COL10A1: variants seen among roughly 807,000 people sequenced by gnomAD.
The protein encoded by COL10A1 is collagen type X alpha 1 chain.
A neutral mutation model predicts 18.2 loss-of-function variants in COL10A1; 10 were observed. That is an observed-to-expected ratio of 0.55 (90% CI 0.34 to 0.93). The LOEUF is 0.93. Among genes scored for constraint, COL10A1 ranks in the 40% least tolerant of loss-of-function variants. The pLI, the probability that COL10A1 is intolerant of heterozygous loss-of-function variation, is 0.02. For missense variants in COL10A1, 897 were observed against 853.5 expected, an observed-to-expected ratio of 1.05 and a Z score of -0.64; for synonymous variants, 330 against 316.6, an observed-to-expected ratio of 1.04 and a Z score of -0.45.
At chr6:116,195,303 A>G in the COL10A1 span, among the ~76,000 whole-genome samples, 1 of 152,114 alleles carries the variant, frequency 6.6e-6, no homozygotes, top group African/African-American at 2.4e-5. Context: ...TATTAAAATT[A>G]TACAGAGGAG....
At chr6:116,191,358 A>G in the COL10A1 span, among the ~76,000 whole-genome samples, 1 of 151,960 alleles carries the variant, frequency 6.6e-6, no homozygotes, top group Non-Finnish European at 1.5e-5. Flanking sequence ...AAGAAACCCT[A>G]CTGTACTTAC....
chr6:116,142,916 C>A (rs948748304), intron 1 of COL10A1, among the ~76,000 whole-genome samples: 4 of 152,068 alleles, frequency 2.6e-5, no homozygotes, highest in African/African-American at 9.7e-5. Context: ...CAAACAAATT[C>A]CAAAGCAAAA....
chr6:116,160,617 A>T (rs1780304309), upstream of COL10A1, among the ~76,000 whole-genome samples: 1 of 152,076 alleles, frequency 6.6e-6, no homozygotes, highest in Admixed American at 6.5e-5. Context: ...AAAACTCTTT[A>T]GTTTAATTAA....
At chr6:116,162,280 C>G (rs374997779), upstream of COL10A1, among the ~76,000 whole-genome samples, 3 of 152,122 alleles carry the variant, frequency 2.0e-5, no homozygotes, top group Admixed American at 6.5e-5. Flanking sequence ...CTTTCTCCTG[C>G]CTGATTGCTC....
the COL10A1 span, among the ~76,000 whole-genome samples, chr6:116,165,171 C>G: frequency 6.6e-6 from 1 of 151,032 alleles, no homozygotes; most frequent in Admixed American, 6.6e-5. Flanking sequence ...ATCCCTGTCT[C>G]TTCTGGCTTG....
chr6:116,132,474 T>A (rs539709703), intron 1 of COL10A1, among the ~76,000 whole-genome samples: 1 of 149,512 alleles, frequency 6.7e-6, no homozygotes, highest in African/African-American at 2.5e-5. Flanking sequence ...TGCTTATGAG[T>A]TTTTTTTTTC....
At chr6:116,137,949 T>A (rs1229084387) in intron 1 of COL10A1, among the ~76,000 whole-genome samples, 1 of 151,950 alleles carries the variant, frequency 6.6e-6, no homozygotes, top group African/African-American at 2.4e-5. Context: ...CGTGGTGGTG[T>A]GTGTCTGTAA....
chr6:116,212,233 C>G, the COL10A1 span, among the ~76,000 whole-genome samples: 1 of 151,890 alleles, frequency 6.6e-6, no homozygotes, highest in East Asian at 1.9e-4. Context: ...CATGGAGTAA[C>G]TAGCCAGGTG....
At chr6:116,182,328 A>G in the COL10A1 span, among the ~76,000 whole-genome samples, 3 of 151,758 alleles carry the variant, frequency 2.0e-5, no homozygotes, top group Non-Finnish European at 2.9e-5. Context: ...TAGCAGTTGC[A>G]AATTGTGCTG....
At chr6:116,127,962 G>C (rs1439200461), upstream of COL10A1, among the ~76,000 whole-genome samples, 1 of 151,988 alleles carries the variant, frequency 6.6e-6, no homozygotes, top group Non-Finnish European at 1.5e-5. Context: ...GAAAAGTTTG[G>C]ACTAGGTGGT....
intron 1 of COL10A1, among the ~76,000 whole-genome samples, chr6:116,146,057 A>G (rs1779891611): frequency 6.6e-6 from 1 of 152,210 alleles, no homozygotes; most frequent in African/African-American, 2.4e-5. Context: ...CACAGTTAAC[A>G]TATGCACGGT....
chr6:116,144,254 G>A (rs571716467), intron 1 of COL10A1, among the ~76,000 whole-genome samples: 50 of 152,288 alleles, frequency 3.3e-4, no homozygotes, highest in African/African-American at 1.2e-3. Context: ...CTGTATCCCA[G>A]CACTTTGGGA....
chr6:116,150,298 T>A (rs1780007344), intron 1 of COL10A1, among the ~76,000 whole-genome samples: 1 of 152,126 alleles, frequency 6.6e-6, no homozygotes, highest in East Asian at 1.9e-4. Context: ...TTAATTATTA[T>A]TTTTTCAGAC....
At chr6:116,189,959 C>G in the COL10A1 span, among the ~76,000 whole-genome samples, 1 of 152,006 alleles carries the variant, frequency 6.6e-6, no homozygotes, top group East Asian at 1.9e-4. Context: ...GTTTGTTGTT[C>G]TTTTACTAGT....
rs1779099496 is a variant in COL10A1, at chr6:116,120,923, C to T, written c.1193G>A (p.Gly398Asp). The T allele has an allele frequency of 3.1e-6, 5 of 1,613,964 alleles. No homozygotes were observed. Among genetic ancestry groups the T allele is most frequent in the Non-Finnish European group, 3.4e-6 (4 of 1,179,924 alleles). ...TGGTAACCCTGGGTTACCCTTAGGA[C>T]CATCGAGACCTGGTTTTCCTGGGTA... ...PGYPGKPGLDGPKGNPGLPGP... is the reference protein window; with the variant it reads ...PGYPGKPGLDDPKGNPGLPGP... Residue 398 changes from glycine (G) to aspartate (D), a missense_variant, in exon 3 of 3, where the codon GGT becomes GAT. Gly to Asp is a moderately conservative substitution (Grantham distance 94, BLOSUM62 -1). Coordinates refer to ENST00000651968, the MANE Select transcript of COL10A1 (RefSeq NM_000493.4).
At chr6:116,201,826 A>G in the COL10A1 span, among the ~76,000 whole-genome samples, 1 of 152,010 alleles carries the variant, frequency 6.6e-6, no homozygotes, top group Non-Finnish European at 1.5e-5. Flanking sequence ...TTTCATGATT[A>G]TAATTATTGC....
upstream of COL10A1, among the ~76,000 whole-genome samples, chr6:116,163,588 C>A (rs751877693): frequency 4.7e-4 from 71 of 151,724 alleles, no homozygotes; most frequent in Admixed American, 7.2e-4. Context: ...CTTTGTTGAT[C>A]CCTTGTGTGA....
chr6:116,120,695 G>A lies in COL10A1; in HGVS notation c.1421C>T (p.Pro474Leu). ...GSKGDPGSPG[P>L]PGPAGIATKG... ...AGTTGCTATGCCAGCTGGGCCAGGA[G>A]GACCGGGACTTCCTGGATCCCCTTT... The change falls in exon 3 of 3, where the codon CCT becomes CTT. Residue 474 changes from proline (P) to leucine (L), a missense_variant. Pro to Leu is a moderately conservative substitution (Grantham distance 98). Coordinates refer to ENST00000651968, the MANE Select transcript of COL10A1 (RefSeq NM_000493.4). The A allele has an allele frequency of 1.3e-6, 2 of 1,551,888 alleles. No homozygotes were observed. The highest frequency in any genetic ancestry group is 1.3e-5 in the South Asian group (1 of 79,946).
the COL10A1 span, among the ~76,000 whole-genome samples, chr6:116,209,932 CAT>C: frequency 6.6e-6 from 1 of 152,074 alleles, no homozygotes; most frequent in Admixed American, 6.6e-5. Flanking sequence ...AAATCTCAAA[CAT>C]ATAGATTTAG....
Sources: allele counts gnomAD v4.1 joint callset (sites outside exome capture counted in the v4.1 genomes callset), GRCh38; gene constraint gnomAD v4.1.1; transcripts MANE v1.5; gene names NCBI Gene and HGNC (gene_info 2026-07-23, HGNC 2026-07-21).